TAAR9: variants seen among roughly 807,000 people sequenced by gnomAD.
The protein encoded by TAAR9 is trace amine-associated receptor 9.
For missense variants in TAAR9, 453 were observed against 409.4 expected, an observed-to-expected ratio of 1.11 and a Z score of -0.92; for synonymous variants, 162 against 152.6, an observed-to-expected ratio of 1.06 and a Z score of -0.45.
chr6:132,538,305 T>C (rs865996119), exon 1 of TAAR9: 2 of 1,591,492 alleles, frequency 1.3e-6, no homozygotes, highest in Middle Eastern at 3.4e-4. Flanking sequence ...GAACAATTTC[T>C]CCCAAGCTGA....
At chr6:132,539,151 ACTC>A in exon 1 of TAAR9, 2 of 1,576,558 alleles carry the variant, frequency 1.3e-6, no homozygotes, top group East Asian at 4.5e-5. Context: ...GAATTTTATA[ACTC>A]CTCCTTATGT....
chr6:132,538,678 G>C, exon 1 of TAAR9: 1 of 1,611,802 alleles, frequency 6.2e-7, no homozygotes, highest in Non-Finnish European at 8.5e-7. Context: ...TCTGTTGATA[G>C]ATACATTGCT....
exon 1 of TAAR9, chr6:132,538,426 C>G (rs1259024838): frequency 2.5e-6 from 4 of 1,613,688 alleles, no homozygotes; most frequent in Admixed American, 1.7e-5. Flanking sequence ...GCTGTGCTGG[C>G]AGCGTTTGGA....
At position 132,538,523 on chromosome 6, in the gene TAAR9, C is replaced by T. The variant is rs372953545; in HGVS notation, c.234C>T (p.Asp78=). The change falls in exon 1 of 1, where the codon GAC becomes GAT. Residue 78 remains aspartate, a synonymous_variant. Coordinates refer to ENST00000434551, the Ensembl canonical transcript of TAAR9. ...TGATTGCGTCGCTGGCCTGTGCTGA[C>T]TTCTTGGTGGGAGTCACTGTGATGC... The T allele has an allele frequency of 3.6e-5, 58 of 1,612,088 alleles. No individual in the cohort carries two copies. In the African/African-American group the frequency reaches 6.4e-4, roughly 18 times the overall value.
exon 1 of TAAR9, chr6:132,538,742 A>G (rs761720492): frequency 8.1e-6 from 13 of 1,613,838 alleles, no homozygotes; most frequent in South Asian, 5.5e-5. Flanking sequence ...TTTCAGGGAT[A>G]TGCATTGTTC....
chr6:132,539,318 A>G (rs1432793131), exon 1 of TAAR9: 2 of 1,608,138 alleles, frequency 1.2e-6, no homozygotes, highest in South Asian at 2.2e-5. Context: ...TATTTTCTGA[A>G]GAAGTAGAGA....
At chr6:132,538,389 A>C in exon 1 of TAAR9, 1 of 1,613,814 alleles carries the variant, frequency 6.2e-7, no homozygotes, top group South Asian at 1.1e-5. Flanking sequence ...TCCTCGATCT[A>C]TCCTCTACGC....
At chr6:132,538,372 C>T (rs1477383952) in exon 1 of TAAR9, 12 of 1,613,526 alleles carry the variant, frequency 7.4e-6, no homozygotes, top group African/African-American at 4.0e-5. Flanking sequence ...ACTCCTTACT[C>T]GCCAGGTCCT....
At position 132,539,055 on chromosome 6, in the gene TAAR9, G is replaced by C. The variant is rs557356413; in HGVS notation, c.766G>C (p.Ala256Pro). Residue 256 changes from alanine to proline, a missense_variant, in exon 1 of 1, where the codon GCT becomes CCT. Coordinates refer to ENST00000434551, the Ensembl canonical transcript of TAAR9. ...AAGAGTAGCAAAAAGAGAGAGAAAG[G>C]CTGCCAAAACCTTGGGAATTGCTAT... The C allele has an allele frequency of 2.5e-5, 38 of 1,529,518 alleles. No homozygotes were observed. In the South Asian group the frequency reaches 4.9e-4, roughly 20 times the overall value. The allele number at this position is 1,529,518 out of a possible 1,614,324, so 94.7% of individuals were successfully genotyped here.
In TAAR9 at chr6:132,538,742, AT is replaced by A. The variant is rs1562352956; in HGVS notation, c.454del (p.Cys152AlafsTer29). Reference sequence around the variant, plus strand: ...AGTTTACTGTGTCAGTTTCAGGGATATGCATTGTTCTTTCCTGGTTCTTTTC... The same window carrying A: ...AGTTTACTGTGTCAGTTTCAGGGATAGCATTGTTCTTTCCTGGTTCTTTTC... On this transcript the variant is annotated frameshift_variant, in exon 1 of 1. Coordinates refer to ENST00000434551, the Ensembl canonical transcript of TAAR9. LOFTEE classifies it low-confidence loss of function (END_TRUNC). 6.2e-7 allele frequency: 1 copy of A among 1,613,838 alleles called. No homozygotes were observed.
At position 132,538,643 on chromosome 6, in the gene TAAR9, T is replaced by C. The variant is rs970658033; in HGVS notation, c.354T>C (p.Ala118=). ...GTTTTGACACATCCTTCTGTTTTGC[T>C]TCTTTATTTCATTTATGCTGTATCT... Residue 118 remains alanine (A), a synonymous_variant, in exon 1 of 1, where the codon GCT becomes GCC. Coordinates refer to ENST00000434551, the Ensembl canonical transcript of TAAR9. 9 of 1,598,750 alleles carry C rather than the reference T, an allele frequency of 5.6e-6. No individual in the cohort carries two copies. The African/African-American group carries it at 1.2e-4, about 22-fold the overall frequency.
In TAAR9 at chr6:132,539,102, G is replaced by A. The variant is rs1195395752; in HGVS notation, c.813G>A (p.Trp271Ter). The A allele has an allele frequency of 1.9e-6, 3 of 1,547,930 alleles. No homozygotes were observed. Among genetic ancestry groups the A allele is most frequent in the Non-Finnish European group, 2.6e-6 (3 of 1,152,632 alleles). ...CTATGGCAGCATTTCTTGTCTCTTG[G>A]CTACCATACCTCGTTGATGCAGTGA... is the stretch of plus-strand genomic sequence containing the variant. The change falls in exon 1 of 1, where the codon TGG (tryptophan) becomes TGA (stop). Residue 271 changes from tryptophan (W) to a stop codon, truncating the protein, a stop_gained. Transcript: ENST00000434551. LOFTEE classifies it low-confidence loss of function (END_TRUNC).
chr6:132,539,251 C>T (rs1032894079), exon 1 of TAAR9: 1 of 1,612,734 alleles, frequency 6.2e-7, no homozygotes, highest in Admixed American at 1.7e-5. Context: ...TTTGGGAAGG[C>T]AATAAAACTT....
exon 1 of TAAR9, chr6:132,539,148 A>G: frequency 6.3e-7 from 1 of 1,577,238 alleles, no homozygotes; most frequent in Non-Finnish European, 8.6e-7. Flanking sequence ...TATGAATTTT[A>G]TAACTCCTCC....
At chr6:132,538,527 T>C in exon 1 of TAAR9, 1 of 1,611,594 alleles carries the variant, frequency 6.2e-7, no homozygotes, top group Non-Finnish European at 8.5e-7. Flanking sequence ...TGCTGACTTC[T>C]TGGTGGGAGT....
chr6:132,538,337 G>A, exon 1 of TAAR9: 2 of 1,612,990 alleles, frequency 1.2e-6, no homozygotes, highest in African/African-American at 1.3e-5. Flanking sequence ...TGTGTTACAA[G>A]AACGTGAACG....
chr6:132,538,688 T>A, exon 1 of TAAR9: 1 of 1,613,216 alleles, frequency 6.2e-7, no homozygotes, highest in Admixed American at 1.7e-5. Context: ...GATACATTGC[T>A]GTTACTGATC....
At chr6:132,538,715 C>T (rs774556944) in exon 1 of TAAR9, 1 of 1,613,714 alleles carries the variant, frequency 6.2e-7, no homozygotes, top group Non-Finnish European at 8.5e-7. Context: ...CCTATCCAAC[C>T]AAGTTTACTG....
At chr6:132,539,210 C>A in exon 1 of TAAR9, 3 of 1,609,694 alleles carry the variant, frequency 1.9e-6, no homozygotes, top group Non-Finnish European at 2.5e-6. Context: ...CAGCTATGAA[C>A]CCCTTGATTT....
Sources: gnomAD v4.1 joint callset for allele counts on GRCh38, gnomAD v4.1.1 for gene constraint, MANE v1.5 for transcripts, NCBI Gene and HGNC (gene_info 2026-07-23, HGNC 2026-07-21) for gene names.